Variants in SH3GL2 observed in about 807,000 individuals in gnomAD.
SH3GL2 encodes SH3 domain containing GRB2 like 2, endophilin A1, also known as endophilin-A1.
In SH3GL2, 24 loss-of-function variants were observed where a neutral mutation model predicts 46.0. The observed-to-expected ratio is 0.52, with a 90% CI of 0.38 to 0.73. The LOEUF (loss-of-function observed/expected upper bound fraction) is 0.73. SH3GL2 is among the 30% of genes least tolerant of loss of function. The pLI, the probability that SH3GL2 is intolerant of heterozygous loss-of-function variation, is 0.00. For synonymous variants in SH3GL2, 196 were observed against 147.1 expected (o/e 1.33, Z -2.40); for missense variants, 413 against 424.2 (o/e 0.97, Z 0.23).
At chr9:17,642,567 A>G (rs1002999319) in intron 1 of SH3GL2, among the ~76,000 whole-genome samples, 1 of 152,204 alleles carries the variant, frequency 6.6e-6, no homozygotes, top group African/African-American at 2.4e-5. Context: ...AGTTTTCTGC[A>G]TATGGCCAGC....
At chr9:17,623,060 TTCCCCTTC>T (rs1347904751) in intron 1 of SH3GL2, among the ~76,000 whole-genome samples, 2 of 110,560 alleles carry the variant, frequency 1.8e-5, no homozygotes, top group African/African-American at 3.3e-5. Context: ...CCCCTTCCCC[TTCCCCTTC>T]CCCTTCCCCT....
intron 1 of SH3GL2, among the ~76,000 whole-genome samples, chr9:17,599,435 C>T (rs1818629406): frequency 6.6e-6 from 1 of 152,196 alleles, no homozygotes; most frequent in Non-Finnish European, 1.5e-5. Context: ...ACTGTATTTC[C>T]AGCAGGTTCT....
intron 1 of SH3GL2, among the ~76,000 whole-genome samples, chr9:17,642,204 CTGTT>C (rs1443193242): frequency 3.3e-5 from 5 of 152,024 alleles, no homozygotes; most frequent in African/African-American, 4.8e-5. Context: ...TTCTATGGGG[CTGTT>C]TGTTTTTTTC....
At chr9:17,757,528 T>C (rs970682415) in intron 2 of SH3GL2, among the ~76,000 whole-genome samples, 4 of 152,190 alleles carry the variant, frequency 2.6e-5, no homozygotes, top group Non-Finnish European at 5.9e-5. Flanking sequence ...TTAAACAGCC[T>C]TCCCTAATGG....
intron 1 of SH3GL2, among the ~76,000 whole-genome samples, chr9:17,599,703 T>A (rs568777826): frequency 1.3e-5 from 2 of 152,132 alleles, no homozygotes; most frequent in African/African-American, 2.4e-5. Context: ...TAGCCAGGCA[T>A]TTGTAGCATG....
chr9:17,683,816 C>G (rs1370722514), intron 1 of SH3GL2, among the ~76,000 whole-genome samples: 1 of 152,034 alleles, frequency 6.6e-6, no homozygotes, highest in Non-Finnish European at 1.5e-5. Context: ...CTGTGGCAAA[C>G]CAGCCCCAAC....
At position 17,786,543 on chromosome 9, in the gene SH3GL2, C is replaced by G. The variant is rs1588335839; in HGVS notation, c.331+19C>G. ...AACTTTGGTAACAAGTGCTTCCTCA[C>G]ATTGTAATTCTTTCATTTGTCCATG... On this transcript the variant is annotated intron_variant, in intron 4 of 8. Coordinates refer to ENST00000380607, the MANE Select transcript of SH3GL2 (RefSeq NM_003026.5). 1 of 1,609,778 alleles carries G rather than the reference C, an allele frequency of 6.2e-7. No homozygotes were observed. The highest frequency in any genetic ancestry group is 2.2e-5 in the East Asian group (1 of 44,804).
chr9:17,777,960 C>T (rs1408154580), intron 3 of SH3GL2, among the ~76,000 whole-genome samples: 4 of 151,870 alleles, frequency 2.6e-5, no homozygotes, highest in Non-Finnish European at 5.9e-5. Flanking sequence ...TAGAGGCAGA[C>T]TAGATATTTA....
chr9:17,751,799 C>G (rs1477368870), intron 2 of SH3GL2, among the ~76,000 whole-genome samples: 3 of 152,122 alleles, frequency 2.0e-5, no homozygotes, highest in Non-Finnish European at 4.4e-5. Flanking sequence ...CCCATAATGT[C>G]TCCTTCATGG....
intron 1 of SH3GL2, among the ~76,000 whole-genome samples, chr9:17,656,779 A>AC (rs1013218374): frequency 7.9e-5 from 12 of 150,968 alleles, no homozygotes; most frequent in Non-Finnish European, 1.3e-4. Context: ...TCAAAAAAAA[A>AC]AAAAAAAACA....
chr9:17,670,355 C>T (rs541150866), intron 1 of SH3GL2, among the ~76,000 whole-genome samples: 3 of 152,262 alleles, frequency 2.0e-5, no homozygotes, highest in Non-Finnish European at 2.9e-5. Context: ...GGAAGTTCTG[C>T]GAAGGATGCT....
chr9:17,612,106 C>T (rs750183679), intron 1 of SH3GL2, among the ~76,000 whole-genome samples: 4 of 152,202 alleles, frequency 2.6e-5, no homozygotes, highest in Non-Finnish European at 4.4e-5. Flanking sequence ...AAGGCAAGCC[C>T]GTGACCTGTC....
chr9:17,591,049 C>T (rs368708944), intron 1 of SH3GL2: 1 of 152,174 alleles, frequency 6.6e-6, no homozygotes, highest in Non-Finnish European at 1.5e-5. Context: ...TGAGCCGCCG[C>T]GCCTGGCTAA....
At chr9:17,596,011 C>T (rs1818563590) in intron 1 of SH3GL2, among the ~76,000 whole-genome samples, 1 of 152,068 alleles carries the variant, frequency 6.6e-6, no homozygotes, top group Non-Finnish European at 1.5e-5. Flanking sequence ...TTTCTTTCCA[C>T]TTCATCGTCT....
intron 2 of SH3GL2, among the ~76,000 whole-genome samples, chr9:17,749,003 C>T (rs1489545297): frequency 6.6e-6 from 1 of 152,184 alleles, no homozygotes; most frequent in African/African-American, 2.4e-5. Context: ...GCTGGTCATT[C>T]TGGCTAAGTT....
At chr9:17,579,417 C>T (rs1438623234) in intron 1 of SH3GL2, 130 bp downstream of exon 1, 1 of 447,460 alleles carries the variant, frequency 2.2e-6, no homozygotes, top group Non-Finnish European at 3.6e-6. Context: ...CCGCGCCCCG[C>T]CTCGCAAGCC....
chr9:17,732,860 C>T (rs961855690), intron 1 of SH3GL2, among the ~76,000 whole-genome samples: 1 of 152,114 alleles, frequency 6.6e-6, no homozygotes, highest in African/African-American at 2.4e-5. Flanking sequence ...ACTGAAGTTG[C>T]ATATTGATTA....
chr9:17,774,628 T>C (rs1324073986), intron 3 of SH3GL2, among the ~76,000 whole-genome samples: 1 of 152,142 alleles, frequency 6.6e-6, no homozygotes, highest in Non-Finnish European at 1.5e-5. Context: ...TATGCTTGTA[T>C]TTCAGGAACA....
intron 1 of SH3GL2, among the ~76,000 whole-genome samples, chr9:17,623,573 A>G (rs907969509): frequency 5.9e-5 from 9 of 152,172 alleles, no homozygotes; most frequent in African/African-American, 7.2e-5. Flanking sequence ...TGAAGGTTCA[A>G]TATGTTTTTT....
Sources: allele counts gnomAD v4.1 joint callset (sites outside exome capture counted in the v4.1 genomes callset), GRCh38; gene constraint gnomAD v4.1.1; transcripts MANE v1.5; gene names NCBI Gene and HGNC (gene_info 2026-07-23, HGNC 2026-07-21).